BCAT1: variants seen among roughly 807,000 people sequenced by gnomAD.
BCAT1 encodes branched-chain-amino-acid aminotransferase, cytosolic.
Under a neutral mutation model 52.4 loss-of-function variants are expected in BCAT1, and 48 were observed. The ratio of observed to expected loss-of-function variants is 0.92; its 90% confidence interval spans 0.73 to 1.16. The LOEUF (loss-of-function observed/expected upper bound fraction) is 1.16, where lower values mean the gene tolerates loss of function less well. Among genes scored for constraint, BCAT1 ranks in the 50% most tolerant of loss-of-function variants. The probability of loss-of-function intolerance (pLI) is 0.00; values close to 1 mark genes in which losing one functional copy is unlikely to be tolerated. For synonymous variants in BCAT1, 167 were observed against 161.3 expected (o/e 1.04, Z -0.27); for missense variants, 451 against 457.1 (o/e 0.99, Z 0.12).
intron 3 of BCAT1, among the ~76,000 whole-genome samples, chr12:24,883,042 G>A (rs556319005): frequency 3.0e-4 from 46 of 152,026 alleles, no homozygotes; most frequent in African/African-American, 1.0e-3. Flanking sequence ...ATCCCAACAC[G>A]TTGGGAGGCC....
chr12:24,888,522 C>T (rs1245824131), intron 3 of BCAT1, among the ~76,000 whole-genome samples: 2 of 152,110 alleles, frequency 1.3e-5, no homozygotes, highest in Non-Finnish European at 1.5e-5. Context: ...AGAAAGAAAA[C>T]AATTCTTTGA....
intron 10 of BCAT1, 130 bp from the exon 11 acceptor site, chr12:24,818,179 A>C (rs540886856): frequency 1.2e-6 from 1 of 828,066 alleles, no homozygotes; most frequent in East Asian, 2.6e-5. Flanking sequence ...TTTCACATTA[A>C]ACATGTTCAC....
At chr12:24,829,439 C>T (rs551630617) in intron 10 of BCAT1, among the ~76,000 whole-genome samples, 243 of 152,286 alleles carry the variant, frequency 1.6e-3, no homozygotes, top group African/African-American at 5.7e-3. Flanking sequence ...GTTGGAATCA[C>T]ATGCACTGTA....
In BCAT1 at chr12:24,842,076, G is replaced by T. The variant is rs751874706; in HGVS notation, c.817+6C>A. On this transcript the variant is annotated splice_donor_region_variant and intron_variant, in intron 7 of 10. Transcript: ENST00000261192. Reference sequence around the variant, plus strand: ...AAATGCACACAGTGAAATCTGAGTGGATTACCTCCATCTTCATTTATCCAG... The same window carrying T: ...AAATGCACACAGTGAAATCTGAGTGTATTACCTCCATCTTCATTTATCCAG... 6.2e-7 allele frequency: 1 copy of T among 1,612,150 alleles called. No homozygotes were observed. Among genetic ancestry groups the T allele is most frequent in the South Asian group, 1.1e-5 (1 of 90,998 alleles).
chr12:24,949,154 G>A (rs1050160978), upstream of BCAT1: 10 of 583,730 alleles, frequency 1.7e-5, no homozygotes, highest in African/African-American at 5.6e-5. Flanking sequence ...GCATCAGCAG[G>A]AAGACACTAA....
rs758676626 is a variant in BCAT1, at chr12:24,836,569, T to G, written c.845A>C (p.Asp282Ala). Residue 282 changes from aspartate to alanine, a missense_variant, in exon 8 of 11, where the codon GAT becomes GCT. Asp to Ala is a moderately radical substitution (Grantham distance 126). Transcript: ENST00000261192. Reference sequence around the variant, plus strand: ...TGTCACTCCTGGAAGAATGATGCCATCTAGTGGAGGAGTTGCCAGTTCTTC... The same window carrying G: ...TGTCACTCCTGGAAGAATGATGCCAGCTAGTGGAGGAGTTGCCAGTTCTTC... ...GEEELATPPL[D>A]GIILPGVTRR... 1.2e-6 allele frequency: 2 copies of G among 1,612,880 alleles called. No homozygotes were observed. The highest frequency in any genetic ancestry group is 1.7e-6 in the Non-Finnish European group (2 of 1,179,488).
intron 1 of BCAT1, among the ~76,000 whole-genome samples, chr12:24,926,279 G>T (rs568846940): frequency 2.0e-5 from 3 of 151,844 alleles, no homozygotes; most frequent in East Asian, 3.9e-4. Flanking sequence ...CCCGGCAGCC[G>T]CCCCATCTGA....
At chr12:24,890,148 A>C (rs1272968520) in intron 3 of BCAT1, among the ~76,000 whole-genome samples, 4 of 152,070 alleles carry the variant, frequency 2.6e-5, no homozygotes, top group African/African-American at 7.3e-5. Flanking sequence ...TCAAACCAGA[A>C]GAGGGGGTCA....
intron 2 of BCAT1, among the ~76,000 whole-genome samples, chr12:24,898,546 T>G (rs1371292827): frequency 1.4e-5 from 2 of 145,060 alleles, no homozygotes; most frequent in Non-Finnish European, 3.0e-5. Context: ...TTTTTTTTTT[T>G]GCTCTGTTGC....
chr12:24,925,444 G>T lies in BCAT1; in HGVS notation c.6+23483C>A, dbSNP rs540755352. Among the ~76,000 whole-genome samples, 12 of 152,236 alleles carry T rather than the reference G, an allele frequency of 7.9e-5. 1 individual carries two copies. The South Asian group carries it at 2.5e-3, about 32-fold the overall frequency. ...CGATCTCTTGATAGATAGATAGAAA[G>T]ATTATAGATATAGATATAGATAAAG... On this transcript the variant is annotated intron_variant, in intron 1 of 10. Transcript: ENST00000261192.
intron 10 of BCAT1, 76 bp downstream of exon 10, chr12:24,829,747 A>G (rs1236098779): frequency 8.5e-7 from 1 of 1,179,704 alleles, no homozygotes; most frequent in East Asian, 2.5e-5. Context: ...ATTTAGTTGT[A>G]AGCTCTGACA....
chr12:24,912,849 C>T (rs535881558), intron 1 of BCAT1, among the ~76,000 whole-genome samples: 2 of 152,228 alleles, frequency 1.3e-5, no homozygotes, highest in South Asian at 4.1e-4. Flanking sequence ...GAATACTTCC[C>T]CATCACTTTC....
At chr12:24,943,482 G>T (rs1432601628) in intron 1 of BCAT1, among the ~76,000 whole-genome samples, 10 of 93,204 alleles carry the variant, frequency 1.1e-4, no homozygotes, top group African/African-American at 4.1e-4. Context: ...GACAGAATGA[G>T]ACCCTATCTG....
At chr12:24,936,772 C>T (rs2139753640) in intron 1 of BCAT1, among the ~76,000 whole-genome samples, 1 of 148,646 alleles carries the variant, frequency 6.7e-6, no homozygotes, top group Admixed American at 6.7e-5. Flanking sequence ...CACCCCTTTG[C>T]TTCCACTGTG....
At chr12:24,892,076 T>TTTG (rs1233916656) in intron 3 of BCAT1, among the ~76,000 whole-genome samples, 1 of 149,128 alleles carries the variant, frequency 6.7e-6, no homozygotes, top group Non-Finnish European at 1.5e-5. Context: ...TTTGTTTTGT[T>TTTG]TTGTTTTGTT....
intron 4 of BCAT1, among the ~76,000 whole-genome samples, chr12:24,879,394 T>C (rs1942432780): frequency 6.6e-6 from 1 of 152,090 alleles, no homozygotes; most frequent in South Asian, 2.1e-4. Flanking sequence ...AAAAATTACA[T>C]CTACTAGATG....
Position 24,833,234 on chromosome 12 carries a change from T to C in BCAT1, c.904-371A>G, listed in dbSNP as rs553108502. ...ATGCATGCTCCGTGTTAACAGTGTC[T>C]TAGGCCGGGCACGGTGGCTCATGCC... On this transcript the variant is annotated intron_variant, in intron 8 of 10. Coordinates refer to ENST00000261192, the MANE Select transcript of BCAT1 (RefSeq NM_005504.7). Among the ~76,000 whole-genome samples the C allele has an allele frequency of 2.4e-4, 36 of 152,284 alleles. No individual in the cohort carries two copies. The South Asian group carries it at 7.3e-3, about 31-fold the overall frequency.
chr12:24,859,214 T>C lies in BCAT1; in HGVS notation c.511-9265A>G, dbSNP rs139012745. On this transcript the variant is annotated intron_variant, in intron 5 of 10. Transcript: ENST00000261192. ...CTTTCTCTCTTGAACAAAATTTTCATGTAATATTAAAAGATCATGGAAGAT... is the reference window on the plus strand; with the variant it reads ...CTTTCTCTCTTGAACAAAATTTTCACGTAATATTAAAAGATCATGGAAGAT... Among the ~76,000 whole-genome samples, 17 of 152,350 alleles carry C rather than the reference T, an allele frequency of 1.1e-4. No homozygotes were observed. The South Asian group carries it at 3.1e-3, about 28-fold the overall frequency.
At position 24,936,712 on chromosome 12, in the gene BCAT1, A is replaced by ATCTCTCTCTCTC. The variant is rs112458468; in HGVS notation, c.6+12203_6+12214dup. Among the ~76,000 whole-genome samples the ATCTCTCTCTCTC allele has an allele frequency of 3.3e-4, 37 of 112,108 alleles. 2 individuals carry two copies. Among genetic ancestry groups the ATCTCTCTCTCTC allele is most frequent in the Middle Eastern group, 6.0e-3 (1 of 168 alleles). The allele number at this position is 112,108 out of a possible 152,430, so 73.5% of individuals were successfully genotyped here. ...AAGTAATGGAGCTCTTTAAATCTCAATCTCTCTCTCTCACACACACACACA... is the reference window on the plus strand; with the variant it reads ...AAGTAATGGAGCTCTTTAAATCTCAATCTCTCTCTCTCTCTCTCTCTCTCACACACACACACA... On this transcript the variant is annotated intron_variant, in intron 1 of 10. Coordinates refer to ENST00000261192, the MANE Select transcript of BCAT1 (RefSeq NM_005504.7).
Sources: allele counts gnomAD v4.1 joint callset (sites outside exome capture counted in the v4.1 genomes callset), GRCh38; gene constraint gnomAD v4.1.1; transcripts MANE v1.5; gene names NCBI Gene and HGNC (gene_info 2026-07-23, HGNC 2026-07-21).